FBXO16: variants seen among roughly 807,000 people sequenced by gnomAD.
The protein encoded by FBXO16 is F-box protein 16.
In FBXO16, 31 loss-of-function variants were observed where a neutral mutation model predicts 41.0. The ratio of observed to expected loss-of-function variants is 0.76; its 90% CI spans 0.57 to 1.02. The LOEUF (loss-of-function observed/expected upper bound fraction) is 1.02. Ranked by LOEUF, FBXO16 falls within the 50% of genes least tolerant of loss-of-function variation. The pLI, the probability that FBXO16 is intolerant of heterozygous loss-of-function variation, is 0.00. For synonymous variants in FBXO16, 133 were observed against 117.8 expected (o/e 1.13, Z -0.84); for missense variants, 361 against 346.2 (o/e 1.04, Z -0.34).
chr8:28,435,186 T>C (rs1440885027), intron 7 of FBXO16, among the ~76,000 whole-genome samples: 2 of 151,546 alleles, frequency 1.3e-5, no homozygotes, highest in Admixed American at 1.3e-4. Context: ...TTTTTTTTTT[T>C]TGAGACGGAG....
chr8:28,440,593 G>C (rs188242924), intron 7 of FBXO16, among the ~76,000 whole-genome samples: 1 of 152,172 alleles, frequency 6.6e-6, no homozygotes. Context: ...AAGGAAAAAA[G>C]GTGAGAAAGC....
intron 7 of FBXO16, among the ~76,000 whole-genome samples, chr8:28,444,825 G>T (rs1232585677): frequency 3.4e-5 from 4 of 118,486 alleles, no homozygotes; most frequent in Non-Finnish European, 5.0e-5. Context: ...TAGAGACAGG[G>T]TTTCACCGTA....
chr8:28,481,885 T>C (rs1350212143), intron 2 of FBXO16, among the ~76,000 whole-genome samples: 2 of 151,858 alleles, frequency 1.3e-5, no homozygotes, highest in African/African-American at 4.8e-5. Flanking sequence ...GTGTCTGCAG[T>C]AAGGCAACCT....
intron 3 of FBXO16, among the ~76,000 whole-genome samples, chr8:28,471,335 A>C (rs1803330719): frequency 6.6e-6 from 1 of 152,116 alleles, no homozygotes; most frequent in Non-Finnish European, 1.5e-5. Flanking sequence ...TAAACTTTAA[A>C]ACTAAGACAG....
chr8:28,440,035 C>CA (rs34701191), intron 7 of FBXO16, among the ~76,000 whole-genome samples: 95,550 of 150,766 alleles, frequency 0.63, 30,795 homozygotes, highest in East Asian at 0.82. Flanking sequence ...CTTCAGGCAT[C>CA]GGGGAGAAAG....
intron 6 of FBXO16, among the ~76,000 whole-genome samples, chr8:28,451,745 G>A (rs1802956527): frequency 1.3e-5 from 2 of 151,976 alleles, no homozygotes; most frequent in Non-Finnish European, 2.9e-5. Context: ...CACTTTAGGA[G>A]GCCGAGGCAT....
At chr8:28,480,999 C>G (rs537795555) in intron 2 of FBXO16, among the ~76,000 whole-genome samples, 4 of 152,114 alleles carry the variant, frequency 2.6e-5, no homozygotes, top group Non-Finnish European at 5.9e-5. Flanking sequence ...AGATAGGAGG[C>G]GAGGGCGAGA....
chr8:28,456,671 C>T lies in FBXO16; in HGVS notation c.507+95G>A, dbSNP rs1803043188. On this transcript the variant is annotated intron_variant, in intron 5 of 8. Coordinates refer to ENST00000380254, the MANE Select transcript of FBXO16 (RefSeq NM_172366.4). ...TAGTATATGTCCTTTGAACTACCTC[C>T]CTTCCCCAACTTCCAGTCTGATCCT... is the stretch of plus-strand genomic sequence containing the variant. The T allele has an allele frequency of 2.0e-5, 28 of 1,398,484 alleles. 1 individual carries two copies. The South Asian group carries it at 3.5e-4, about 18-fold the overall frequency. The allele number at this position is 1,398,484 out of a possible 1,614,324, so 86.6% of individuals were successfully genotyped here.
rs746231116 is a variant in FBXO16, at chr8:28,463,836, AG to A, written c.136-19del. 1.2e-6 allele frequency: 2 copies of A among 1,610,580 alleles called. No individual in the cohort carries two copies. The highest frequency in any genetic ancestry group is 2.2e-5 in the South Asian group (2 of 90,998). The stretch of plus-strand genomic sequence containing the variant: ...TTGTCAAACTGGAAACACAAAACAA[AG>A]CAAAATGTAAAAAGCTCCAGGTTTA... On this transcript the variant is annotated intron_variant, in intron 3 of 8. Coordinates refer to ENST00000380254, the MANE Select transcript of FBXO16 (RefSeq NM_172366.4).
intron 7 of FBXO16, 61 bp from the exon 8 acceptor site, chr8:28,429,464 T>A (rs549069442): frequency 2.5e-6 from 4 of 1,600,018 alleles, no homozygotes; most frequent in South Asian, 1.1e-5. Flanking sequence ...TAATCCGAGC[T>A]GAGCTTGAAG....
At chr8:28,439,228 G>A (rs1330839001) in intron 7 of FBXO16, among the ~76,000 whole-genome samples, 1 of 152,086 alleles carries the variant, frequency 6.6e-6, no homozygotes, top group East Asian at 1.9e-4. Flanking sequence ...TTTTACAGAT[G>A]AAGAAACTGA....
chr8:28,462,231 C>T (rs963581478), intron 4 of FBXO16, among the ~76,000 whole-genome samples: 17 of 151,796 alleles, frequency 1.1e-4, no homozygotes, highest in Admixed American at 6.6e-4. Flanking sequence ...TGATCCACCA[C>T]ACCCGGACCC....
intron 7 of FBXO16, among the ~76,000 whole-genome samples, chr8:28,432,599 T>C (rs1178759058): frequency 1.3e-5 from 2 of 152,200 alleles, no homozygotes; most frequent in African/African-American, 4.8e-5. Flanking sequence ...CCGATAGATA[T>C]TTGGGCCATT....
intron 3 of FBXO16, among the ~76,000 whole-genome samples, chr8:28,465,944 C>A (rs888840122): frequency 3.9e-5 from 6 of 152,056 alleles, no homozygotes; most frequent in African/African-American, 9.7e-5. Context: ...GAGCTCAGTC[C>A]AAAACAATGG....
At chr8:28,444,636 C>T (rs1802833266) in intron 7 of FBXO16, among the ~76,000 whole-genome samples, 1 of 149,802 alleles carries the variant, frequency 6.7e-6, no homozygotes, top group Non-Finnish European at 1.5e-5. Context: ...CGCCACTTCG[C>T]CGAGCTAATT....
At chr8:28,479,683 A>G (rs1189501366) in intron 2 of FBXO16, among the ~76,000 whole-genome samples, 1 of 152,110 alleles carries the variant, frequency 6.6e-6, no homozygotes, top group Non-Finnish European at 1.5e-5. Context: ...ACAGGTGCTC[A>G]GTAAATTACT....
intron 1 of FBXO16, among the ~76,000 whole-genome samples, chr8:28,486,020 C>G (rs568922282): frequency 1.1e-4 from 16 of 151,036 alleles, no homozygotes; most frequent in Non-Finnish European, 1.9e-4. Context: ...GCAGGAGAAT[C>G]GCTTAAACCC....
At chr8:28,473,114 G>A (rs897933185) in intron 3 of FBXO16, among the ~76,000 whole-genome samples, 1 of 152,124 alleles carries the variant, frequency 6.6e-6, no homozygotes, top group Non-Finnish European at 1.5e-5. Context: ...CCAAAGTTCT[G>A]TCTCCCTGGA....
At chr8:28,459,197 T>G (rs1803084639) in intron 4 of FBXO16, among the ~76,000 whole-genome samples, 1 of 152,224 alleles carries the variant, frequency 6.6e-6, no homozygotes, top group South Asian at 2.1e-4. Context: ...TCTTTTCCTT[T>G]CAGTTTTTAT....
Sources: allele counts gnomAD v4.1 joint callset (sites outside exome capture counted in the v4.1 genomes callset), GRCh38; gene constraint gnomAD v4.1.1; transcripts MANE v1.5; gene names NCBI Gene and HGNC (gene_info 2026-07-23, HGNC 2026-07-21).